Variants in ATRNL1 observed in about 807,000 individuals in gnomAD.
ATRNL1 encodes the protein attractin-like protein 1.
Under a neutral mutation model 182.7 loss-of-function variants are expected in ATRNL1, and 95 were observed. The ratio of observed to expected loss-of-function variants is 0.52; its 90% CI spans 0.44 to 0.62. The LOEUF is 0.62. ATRNL1 is among the 20% of genes least tolerant of loss of function. The pLI, the probability that ATRNL1 is intolerant of heterozygous loss-of-function variation, is 0.00. For synonymous variants in ATRNL1, 576 were observed against 568.3 expected, an observed-to-expected ratio of 1.01 and a Z score of -0.19; for missense variants, 1,471 against 1,679.5, an observed-to-expected ratio of 0.88 and a Z score of 2.17.
At chr10:115,725,146 T>C (rs1315400815) in intron 26 of ATRNL1, among the ~76,000 whole-genome samples, 1 of 152,202 alleles carries the variant, frequency 6.6e-6, no homozygotes, top group African/African-American at 2.4e-5. Context: ...AATATTTTTC[T>C]TGTTCTTTAC....
At chr10:115,133,276 G>A (rs1445747640) in intron 5 of ATRNL1, among the ~76,000 whole-genome samples, 3 of 152,096 alleles carry the variant, frequency 2.0e-5, no homozygotes, top group South Asian at 2.1e-4. Context: ...GCTCTGTTCT[G>A]TTCCATTGGT....
At chr10:115,249,050 C>T (rs560224021) in intron 10 of ATRNL1, among the ~76,000 whole-genome samples, 8 of 151,968 alleles carry the variant, frequency 5.3e-5, no homozygotes, top group Non-Finnish European at 7.4e-5. Flanking sequence ...GGCATGACCT[C>T]GGCTCACTGC....
intron 26 of ATRNL1, among the ~76,000 whole-genome samples, chr10:115,720,995 G>A (rs532798629): frequency 6.6e-6 from 1 of 152,206 alleles, no homozygotes; most frequent in South Asian, 2.1e-4. Flanking sequence ...ACAGCAGTAA[G>A]TTAATGATTG....
intron 28 of ATRNL1, among the ~76,000 whole-genome samples, chr10:115,887,845 AC>A (rs1460198886): frequency 6.6e-6 from 1 of 150,968 alleles, no homozygotes; most frequent in East Asian, 2.0e-4. Flanking sequence ...CTCCACTGCC[AC>A]CCTCCTTGTC....
At chr10:115,886,785 A>G (rs1292288505) in intron 28 of ATRNL1, among the ~76,000 whole-genome samples, 6 of 152,194 alleles carry the variant, frequency 3.9e-5, no homozygotes, top group African/African-American at 1.4e-4. Context: ...CATTTTCTCA[A>G]TTTGGGTTAC....
chr10:115,098,140 A>G (rs1032766810), intron 1 of ATRNL1, among the ~76,000 whole-genome samples: 5 of 152,182 alleles, frequency 3.3e-5, no homozygotes, highest in Admixed American at 2.0e-4. Context: ...ATTAAAGTGT[A>G]TAATCACACA....
At chr10:115,230,441 G>C (rs1283434003) in intron 9 of ATRNL1, among the ~76,000 whole-genome samples, 1 of 152,144 alleles carries the variant, frequency 6.6e-6, no homozygotes, top group East Asian at 1.9e-4. Flanking sequence ...AAAGCCTTGA[G>C]ATGGGAACAT....
At chr10:115,746,807 A>G (rs79716754) in intron 27 of ATRNL1, among the ~76,000 whole-genome samples, 4,881 of 152,220 alleles carry the variant, frequency 0.032, 240 homozygotes, top group African/African-American at 0.11. Context: ...AAGCAATATG[A>G]GATTCATCAA....
chr10:115,420,340 T>C (rs2134372927), intron 20 of ATRNL1, among the ~76,000 whole-genome samples: 1 of 152,254 alleles, frequency 6.6e-6, no homozygotes, highest in Middle Eastern at 3.4e-3. Context: ...CATGGCGGCC[T>C]GGCCTCAAAT....
chr10:115,134,483 A>G (rs971526652), intron 5 of ATRNL1, among the ~76,000 whole-genome samples: 2 of 152,204 alleles, frequency 1.3e-5, no homozygotes, highest in Admixed American at 1.3e-4. Context: ...AAGACTAACC[A>G]GGAAGAAGTT....
intron 10 of ATRNL1, among the ~76,000 whole-genome samples, chr10:115,263,667 A>G (rs1851484316): frequency 6.6e-6 from 1 of 151,782 alleles, no homozygotes; most frequent in South Asian, 2.1e-4. Flanking sequence ...TACAGTTTAT[A>G]CTTTATATAA....
At chr10:115,721,175 G>T (rs1398387662) in intron 26 of ATRNL1, among the ~76,000 whole-genome samples, 2 of 152,164 alleles carry the variant, frequency 1.3e-5, no homozygotes, top group Non-Finnish European at 2.9e-5. Flanking sequence ...AATCTGTGGA[G>T]ATTGTGTCTT....
rs138832233 is a variant in ATRNL1, at chr10:115,862,624, G to A, written c.4018+14633G>A. On this transcript the variant is annotated intron_variant, in intron 28 of 28. Transcript: ENST00000355044. Reference sequence around the variant, plus strand: ...AAGAATGCAAGCTGGTACAACAACCGTGTTGGAGGGGAATTTGACAAGACC... The same window carrying A: ...AAGAATGCAAGCTGGTACAACAACCATGTTGGAGGGGAATTTGACAAGACC... Among the ~76,000 whole-genome samples the A allele has an allele frequency of 2.9e-3, 445 of 152,310 alleles. 1 individual carries two copies. The highest frequency in any genetic ancestry group is 9.6e-3 in the African/African-American group (399 of 41,572).
chr10:115,566,265 G>A (rs958277515), intron 26 of ATRNL1, among the ~76,000 whole-genome samples: 1 of 152,104 alleles, frequency 6.6e-6, no homozygotes, highest in South Asian at 2.1e-4. Flanking sequence ...CAAAGTGCAA[G>A]AAATATGCTA....
Position 115,315,679 on chromosome 10 carries a change from G to C in ATRNL1, c.2980G>C (p.Asp994His). Residue 994 changes from aspartate (D) to histidine (H), a missense_variant, in exon 18 of 29, where the codon GAC becomes CAC. Around this residue, in one of 3 missense-constraint regions of ATRNL1, gnomAD observed 437 missense variants for 506.0 expected, o/e 0.86. Transcript: ENST00000355044. ...AATGCACCACAGTGAGATGGTTCTT[G>C]ACACCAATCTTTGCCCCAAAGAAAA... ...IGMHHSEMVL[D>H]TNLCPKEKNY... The C allele has an allele frequency of 1.2e-6, 2 of 1,613,866 alleles. No individual in the cohort carries two copies. Among genetic ancestry groups the C allele is most frequent in the South Asian group, 2.2e-5 (2 of 91,072 alleles).
Position 115,562,938 on chromosome 10 carries a change from T to C in ATRNL1, c.3795+13402T>C, listed in dbSNP as rs1057478507. On this transcript the variant is annotated intron_variant, in intron 26 of 28. Coordinates refer to ENST00000355044, the MANE Select transcript of ATRNL1 (RefSeq NM_207303.4). Reference sequence around the variant, plus strand: ...ACATGGAAATGCAAAGGACCCTAAATAGCAGAAACATTTTTGAAAAAGAAC... The same window carrying C: ...ACATGGAAATGCAAAGGACCCTAAACAGCAGAAACATTTTTGAAAAAGAAC... Among the ~76,000 whole-genome samples, 11 of 152,304 alleles carry C rather than the reference T, an allele frequency of 7.2e-5. No homozygotes were observed. The Middle Eastern group carries it at 0.01, about 141-fold the overall frequency.
chr10:115,352,551 G>A (rs1461127023), intron 19 of ATRNL1, among the ~76,000 whole-genome samples: 1 of 151,976 alleles, frequency 6.6e-6, no homozygotes, highest in African/African-American at 2.4e-5. Context: ...CATTCCTTCA[G>A]CAGCGTATTG....
At chr10:115,460,869 C>A (rs1311247382) in intron 21 of ATRNL1, among the ~76,000 whole-genome samples, 1 of 152,034 alleles carries the variant, frequency 6.6e-6, no homozygotes, top group Non-Finnish European at 1.5e-5. Context: ...GCCTAGAACA[C>A]TGGCACATTG....
At chr10:115,729,855 A>G (rs1408683499) in intron 27 of ATRNL1, among the ~76,000 whole-genome samples, 3 of 152,004 alleles carry the variant, frequency 2.0e-5, no homozygotes, top group Non-Finnish European at 2.9e-5. Flanking sequence ...GGCCTATGTA[A>G]AGAACAATGA....
Sources: gnomAD v4.1 joint callset for allele counts (sites outside exome capture counted in the v4.1 genomes callset) on GRCh38, gnomAD v4.1.1 for gene constraint, gnomAD v4.1.1 regional missense constraint, MANE v1.5 for transcripts, NCBI Gene and HGNC (gene_info 2026-07-23, HGNC 2026-07-21) for gene names.